Variants in ARID2 observed in about 807,000 individuals in gnomAD.
ARID2 encodes AT-rich interaction domain 2.
ARID2 carries 32 observed loss-of-function variants against 184.6 expected under a neutral mutation model. That is an observed-to-expected ratio of 0.17 (90% confidence interval 0.13 to 0.23). The LOEUF is 0.23. Among genes scored for constraint, ARID2 ranks in the 10% least tolerant of loss-of-function variants. The pLI, the probability that ARID2 is intolerant of heterozygous loss-of-function variation, is 1.00. For missense variants in ARID2, 1,696 were observed against 2,197.6 expected (o/e 0.77, Z 4.56); for synonymous variants, 836 against 772.6 (o/e 1.08, Z -1.36).
At chr12:45,894,109 G>T (rs1944338130) in intron 20 of ARID2, among the ~76,000 whole-genome samples, 1 of 152,116 alleles carries the variant, frequency 6.6e-6, no homozygotes, top group African/African-American at 2.4e-5. Flanking sequence ...CCCATCAATG[G>T]CATAAATAAT....
rs1943560939 is a variant in ARID2 at position 45,852,013 on chromosome 12, G to A, written c.3890G>A (p.Arg1297Lys). The A allele has an allele frequency of 6.2e-7, 1 of 1,614,030 alleles. No homozygotes were observed. The highest frequency in any genetic ancestry group is 1.3e-5 in the African/African-American group (1 of 74,940). Residue 1297 changes from arginine to lysine, a missense_variant, in exon 15 of 21, where the codon AGA (arginine) becomes AAA (lysine). Around this residue, in one of 11 missense-constraint regions of ARID2, gnomAD observed 428 missense variants for 409.1 expected, o/e 1.05. Coordinates refer to ENST00000334344, the MANE Select transcript of ARID2 (RefSeq NM_152641.4). ...CATGTGGGAAGTCTTTTAAATGGGA[G>A]AAAGTACAGTGACTCAAGTCTACCT... ...EMHVGSLLNG[R>K]KYSDSSLPPS... is the part of the protein sequence containing the mutation.
chr12:45,845,740 C>A (rs1363595049), intron 11 of ARID2, among the ~76,000 whole-genome samples: 1 of 152,020 alleles, frequency 6.6e-6, no homozygotes, highest in Non-Finnish European at 1.5e-5. Context: ...TTGCCTAGTT[C>A]CAATAATTTT....
intron 6 of ARID2, among the ~76,000 whole-genome samples, chr12:45,823,816 C>T (rs1942941818): frequency 6.6e-6 from 1 of 151,834 alleles, no homozygotes; most frequent in African/African-American, 2.4e-5. Context: ...GAAGAAAAGC[C>T]CAGGACCGGA....
intron 3 of ARID2, among the ~76,000 whole-genome samples, chr12:45,803,819 TTTAA>T (rs372443438): frequency 6.6e-6 from 1 of 152,288 alleles, no homozygotes; most frequent in Middle Eastern, 3.4e-3. Flanking sequence ...TGAGAGATGG[TTTAA>T]TTAAAGTTAG....
At chr12:45,847,555 C>T (rs1230611262) in intron 12 of ARID2, among the ~76,000 whole-genome samples, 1 of 152,014 alleles carries the variant, frequency 6.6e-6, no homozygotes, top group Non-Finnish European at 1.5e-5. Flanking sequence ...ATAGTTGCCT[C>T]AACATTAGTA....
chr12:45,854,962 A>G (rs1413724485), intron 15 of ARID2, among the ~76,000 whole-genome samples: 3 of 152,196 alleles, frequency 2.0e-5, no homozygotes, highest in Non-Finnish European at 2.9e-5. Context: ...CAGGACAGAA[A>G]CCTGGGTTTG....
intron 3 of ARID2, among the ~76,000 whole-genome samples, chr12:45,772,166 A>G (rs1941890391): frequency 6.6e-6 from 1 of 152,248 alleles, no homozygotes; most frequent in African/African-American, 2.4e-5. Context: ...TAATGCAAAA[A>G]GAAAGCAATA....
At chr12:45,842,293 G>A (rs1260328768) in intron 11 of ARID2, 2 of 148,432 alleles carry the variant, frequency 1.3e-5, no homozygotes, top group Non-Finnish European at 3.0e-5. Context: ...ACACATATGT[G>A]TGTGTATATA....
chr12:45,791,094 A>T (rs1942282965), intron 3 of ARID2, among the ~76,000 whole-genome samples: 1 of 152,104 alleles, frequency 6.6e-6, no homozygotes, highest in Admixed American at 6.5e-5. Context: ...TTCTATTATT[A>T]ATTTTTTGAG....
rs768673828 is a variant in ARID2, at chr12:45,729,872, G to A, written c.36G>A (p.Glu12=). 1.9e-6 allele frequency: 3 copies of A among 1,611,550 alleles called. No individual in the cohort carries two copies. The highest frequency in any genetic ancestry group is 2.5e-6 in the Non-Finnish European group (3 of 1,179,186). Residue 12 remains glutamate, a synonymous_variant, in exon 1 of 21, where the codon GAG becomes GAA. Coordinates refer to ENST00000334344, the MANE Select transcript of ARID2 (RefSeq NM_152641.4). ...ANSTGKAPPD[E]RRKGLAFLDE... ...CGACGGGGAAGGCGCCTCCGGACGA[G>A]CGGAGAAAGGGACTCGCTTTCCTGG...
chr12:45,730,612 G>T lies in ARID2; in HGVS notation c.186+475G>T, dbSNP rs538455954. 7.2e-5 allele frequency among the ~76,000 whole-genome samples: 11 copies of T among 152,116 alleles called. No individual in the cohort carries two copies. The East Asian group carries it at 2.1e-3, about 29-fold the overall frequency. On this transcript the variant is annotated intron_variant, in intron 2 of 20. Coordinates refer to ENST00000334344, the MANE Select transcript of ARID2 (RefSeq NM_152641.4). ...AATTAGCGCGGGCAGGTTTAACATC[G>T]ATAATCGGCTGCGAAATAATCCCGG...
At chr12:45,879,528 T>A (rs1436674066) in intron 16 of ARID2, among the ~76,000 whole-genome samples, 1 of 152,172 alleles carries the variant, frequency 6.6e-6, no homozygotes, top group Non-Finnish European at 1.5e-5. Context: ...TGTTTAAGGG[T>A]TCCTGCAAGT....
intron 10 of ARID2, among the ~76,000 whole-genome samples, chr12:45,838,610 A>T (rs532498761): frequency 6.6e-6 from 1 of 152,156 alleles, no homozygotes; most frequent in African/African-American, 2.4e-5. Context: ...ACGAAAAATA[A>T]ATAAAATTAA....
intron 3 of ARID2, among the ~76,000 whole-genome samples, chr12:45,791,644 AGTGTAGTG>A (rs1942292452): frequency 1.3e-5 from 2 of 152,054 alleles, no homozygotes. Context: ...TCTAGGCTGG[AGTGTAGTG>A]GCCCAATCAC....
At chr12:45,901,072 CT>C (rs1433660117) in intron 20 of ARID2, among the ~76,000 whole-genome samples, 1 of 147,814 alleles carries the variant, frequency 6.8e-6, no homozygotes, top group Non-Finnish European at 1.5e-5. Flanking sequence ...GTAATGGGAA[CT>C]TTTCTGGTAT....
intron 16 of ARID2, among the ~76,000 whole-genome samples, chr12:45,885,726 C>T (rs1436766754): frequency 2.6e-5 from 4 of 152,176 alleles, no homozygotes; most frequent in Non-Finnish European, 5.9e-5. Context: ...CAAACATGTC[C>T]TTCTTCACAT....
chr12:45,874,309 A>G (rs1565633586), intron 16 of ARID2: 2 of 164,018 alleles, frequency 1.2e-5, no homozygotes, highest in Non-Finnish European at 2.6e-5. Flanking sequence ...CAACCTGGAC[A>G]ATAGAGCAAG....
chr12:45,776,933 C>T (rs886872524), intron 3 of ARID2, among the ~76,000 whole-genome samples: 4 of 151,632 alleles, frequency 2.6e-5, no homozygotes, highest in African/African-American at 7.3e-5. Context: ...CAGGCACACA[C>T]CACCATGCCC....
Position 45,824,707 on chromosome 12 carries a change from C to T in ARID2, c.705+3220C>T, listed in dbSNP as rs966147181. On this transcript the variant is annotated intron_variant, in intron 6 of 20. Coordinates refer to ENST00000334344, the MANE Select transcript of ARID2 (RefSeq NM_152641.4). ...TAAGTAATATAGCCATTATGGAAAA[C>T]GGTATCCCACTACTGGGTATTTATC... 5.3e-5 allele frequency among the ~76,000 whole-genome samples: 8 copies of T among 151,756 alleles called. No individual in the cohort carries two copies. In the South Asian group the frequency reaches 1.0e-3, roughly 20 times the overall value.
Sources: allele counts gnomAD v4.1 joint callset (sites outside exome capture counted in the v4.1 genomes callset), GRCh38; gene constraint gnomAD v4.1.1; regional missense constraint gnomAD v4.1.1; transcripts MANE v1.5; gene names NCBI Gene and HGNC (gene_info 2026-07-23, HGNC 2026-07-21).